Variants in INPP4B observed in about 807,000 individuals in gnomAD.
The protein encoded by INPP4B is inositol polyphosphate-4-phosphatase type II B.
INPP4B carries 55 observed loss-of-function variants against 122.5 expected under a neutral mutation model. The observed-to-expected ratio is 0.45, with a 90% confidence interval of 0.36 to 0.56. The LOEUF (loss-of-function observed/expected upper bound fraction) is 0.56, where lower values mean the gene tolerates loss of function less well. Ranked by LOEUF, INPP4B falls within the 20% of genes least tolerant of loss-of-function variation. The pLI, the probability that INPP4B is intolerant of heterozygous loss-of-function variation, is 0.00. For missense variants in INPP4B, 1,000 were observed against 1,097.7 expected (o/e 0.91, Z 1.26); for synonymous variants, 403 against 388.7 (o/e 1.04, Z -0.43).
chr4:142,198,897 T>C (rs1381811763), intron 14 of INPP4B, among the ~76,000 whole-genome samples: 1 of 152,034 alleles, frequency 6.6e-6, no homozygotes, highest in South Asian at 2.1e-4. Context: ...CTTCCCTCCT[T>C]CATTTTTCTG....
At chr4:142,613,126 A>T (rs1195166338) in intron 2 of INPP4B, among the ~76,000 whole-genome samples, 1 of 152,186 alleles carries the variant, frequency 6.6e-6, no homozygotes, top group Admixed American at 6.5e-5. Context: ...GAGAACAGAC[A>T]TTCAATAAAG....
chr4:142,374,518 C>A (rs1318653794), intron 7 of INPP4B, among the ~76,000 whole-genome samples: 1 of 151,774 alleles, frequency 6.6e-6, no homozygotes, highest in African/African-American at 2.4e-5. Context: ...AGCATATATG[C>A]CACTATTGAA....
At chr4:142,410,505 G>C (rs1448992664) in intron 5 of INPP4B, among the ~76,000 whole-genome samples, 1 of 152,132 alleles carries the variant, frequency 6.6e-6, no homozygotes, top group Non-Finnish European at 1.5e-5. Flanking sequence ...ATCAGTGAGG[G>C]GGATATGACA....
intron 1 of INPP4B, among the ~76,000 whole-genome samples, chr4:142,827,264 C>T (rs1476883695): frequency 6.6e-6 from 1 of 152,126 alleles, no homozygotes; most frequent in Non-Finnish European, 1.5e-5. Flanking sequence ...TACTCCTATC[C>T]CTCTGTGCAC....
intron 2 of INPP4B, among the ~76,000 whole-genome samples, chr4:142,697,559 C>G (rs933016845): frequency 2.0e-5 from 3 of 152,140 alleles, no homozygotes; most frequent in Non-Finnish European, 2.9e-5. Flanking sequence ...AAGATTTGGA[C>G]AATGGATTCT....
intron 9 of INPP4B, among the ~76,000 whole-genome samples, chr4:142,301,269 A>G (rs1761284498): frequency 1.3e-5 from 2 of 152,214 alleles, no homozygotes; most frequent in Admixed American, 6.5e-5. Flanking sequence ...TGAAACTCCA[A>G]CAAATAATTA....
At chr4:142,723,926 G>T (rs573319782) in intron 2 of INPP4B, among the ~76,000 whole-genome samples, 1 of 152,016 alleles carries the variant, frequency 6.6e-6, no homozygotes, top group African/African-American at 2.4e-5. Flanking sequence ...TGACATAAAC[G>T]TCATTTCTCC....
At chr4:142,171,051 A>G (rs1304636224) in intron 16 of INPP4B, among the ~76,000 whole-genome samples, 2 of 151,730 alleles carry the variant, frequency 1.3e-5, no homozygotes, top group Non-Finnish European at 2.9e-5. Context: ...TTCTGTTGCC[A>G]CTTGCTTTTC....
intron 8 of INPP4B, among the ~76,000 whole-genome samples, chr4:142,307,902 C>T (rs981839410): frequency 5.9e-5 from 9 of 152,128 alleles, no homozygotes; most frequent in Non-Finnish European, 1.2e-4. Context: ...GAGATTATTG[C>T]AGTCTTTTTG....
intron 12 of INPP4B, among the ~76,000 whole-genome samples, chr4:142,217,769 C>T (rs763829000): frequency 6.6e-6 from 1 of 152,110 alleles, no homozygotes; most frequent in Non-Finnish European, 1.5e-5. Flanking sequence ...AGGCCCACTG[C>T]CCTCTCTAAT....
In INPP4B at chr4:142,108,242, G is replaced by T. The variant is rs758523623; in HGVS notation, c.2277-52C>A. 6.7e-6 allele frequency: 6 copies of T among 897,896 alleles called. No homozygotes were observed. In the Admixed American group the frequency reaches 7.9e-5, roughly 12 times the overall value. 55.6% of individuals were successfully genotyped at this position (897,896 alleles called of 1,614,324 possible). ...GTGGGTTATAAAACGGTACCAAAAA[G>T]TAACACATTTTACCTTTCCTTTTTA... On this transcript the variant is annotated intron_variant, in intron 22 of 25. Coordinates refer to ENST00000262992, the MANE Select transcript of INPP4B (RefSeq NM_001101669.3).
At chr4:142,547,037 A>T (rs1829720066) in intron 2 of INPP4B, among the ~76,000 whole-genome samples, 1 of 151,984 alleles carries the variant, frequency 6.6e-6, no homozygotes, top group African/African-American at 2.4e-5. Flanking sequence ...TGTTTCATTC[A>T]AGATTCTTTG....
intron 2 of INPP4B, among the ~76,000 whole-genome samples, chr4:142,471,925 G>A (rs1818914179): frequency 6.6e-6 from 1 of 151,946 alleles, no homozygotes. Context: ...GACTGCATTG[G>A]TATAAAGATA....
intron 3 of INPP4B, among the ~76,000 whole-genome samples, chr4:142,449,339 G>T (rs960655792): frequency 3.3e-5 from 5 of 152,160 alleles, no homozygotes; most frequent in Admixed American, 2.6e-4. Flanking sequence ...TGGACAAGCA[G>T]CATCTGTATT....
chr4:142,805,677 T>C (rs1360157898), intron 1 of INPP4B, among the ~76,000 whole-genome samples: 1 of 152,190 alleles, frequency 6.6e-6, no homozygotes, highest in Admixed American at 6.5e-5. Context: ...GTAATAAGTA[T>C]ATTTTCTCTT....
intron 2 of INPP4B, among the ~76,000 whole-genome samples, chr4:142,502,435 T>G (rs760367029): frequency 3.3e-5 from 5 of 152,166 alleles, no homozygotes; most frequent in Non-Finnish European, 7.3e-5. Context: ...CATGTATTAT[T>G]GATTTATAAT....
intron 16 of INPP4B, among the ~76,000 whole-genome samples, chr4:142,169,757 A>T (rs1261117663): frequency 6.6e-6 from 1 of 151,656 alleles, no homozygotes; most frequent in Admixed American, 6.6e-5. Flanking sequence ...AAAACACCCC[A>T]TTCTTTTAAA....
Position 142,593,050 on chromosome 4 carries a change from GAC to G in INPP4B, c.-190-130326_-190-130325del, listed in dbSNP as rs554570147. Among the ~76,000 whole-genome samples, 108 of 151,200 alleles carry G rather than the reference GAC, an allele frequency of 7.1e-4. 1 individual carries two copies. In the South Asian group the frequency reaches 0.022, roughly 31 times the overall value. ...GCTAGGGAGTTCAAGGCTGCAGTGA[GAC>G]ATTATCACGCCACTGTACTCCAGCC... On this transcript the variant is annotated intron_variant, in intron 2 of 25. Coordinates refer to ENST00000262992, the MANE Select transcript of INPP4B (RefSeq NM_001101669.3).
chr4:142,117,865 A>G (rs572306487), intron 21 of INPP4B, among the ~76,000 whole-genome samples: 2 of 152,342 alleles, frequency 1.3e-5, no homozygotes, highest in Admixed American at 1.3e-4. Flanking sequence ...CCCTGTTTGC[A>G]GATGACATGA....
Sources: allele counts gnomAD v4.1 joint callset (sites outside exome capture counted in the v4.1 genomes callset), GRCh38; gene constraint gnomAD v4.1.1; transcripts MANE v1.5; gene names NCBI Gene and HGNC (gene_info 2026-07-23, HGNC 2026-07-21).